The following LDLRAD4 variants were observed in gnomAD, a reference collection of about 807,000 sequenced individuals.
LDLRAD4 encodes low density lipoprotein receptor class A domain containing 4.
Under a neutral mutation model 17.0 loss-of-function variants are expected in LDLRAD4, and 5 were observed. That is an observed-to-expected ratio of 0.29 (90% CI 0.15 to 0.62). The LOEUF (loss-of-function observed/expected upper bound fraction) is 0.62, where lower values mean the gene tolerates loss of function less well. Among genes scored for constraint, LDLRAD4 ranks in the 20% least tolerant of loss-of-function variants. LDLRAD4 has a pLI of 0.84. For missense variants in LDLRAD4, 340 were observed against 424.7 expected (o/e 0.80, Z 1.75); for synonymous variants, 168 against 171.8 (o/e 0.98, Z 0.17).
chr18:13,336,807 T>C (rs931613387), intron 1 of LDLRAD4, among the ~76,000 whole-genome samples: 14 of 152,118 alleles, frequency 9.2e-5, no homozygotes, highest in African/African-American at 3.4e-4. Flanking sequence ...TCCCCCTCTC[T>C]CTCTTTCAAG....
At chr18:13,429,646 G>T (rs549945941) in intron 2 of LDLRAD4, among the ~76,000 whole-genome samples, 1 of 152,240 alleles carries the variant, frequency 6.6e-6, no homozygotes, top group African/African-American at 2.4e-5. Flanking sequence ...AGGACTTTTA[G>T]AACATAAGAC....
chr18:13,238,795 C>T (rs1167387226), intron 1 of LDLRAD4, among the ~76,000 whole-genome samples: 1 of 152,160 alleles, frequency 6.6e-6, no homozygotes, highest in East Asian at 1.9e-4. Flanking sequence ...TTTATAATGT[C>T]ACGTTCCCAG....
intron 3 of LDLRAD4, among the ~76,000 whole-genome samples, chr18:13,573,206 G>A (rs1194064801): frequency 1.3e-5 from 2 of 152,246 alleles, no homozygotes; most frequent in African/African-American, 4.8e-5. Context: ...CCGGGTTGAA[G>A]CGATTCTTTT....
chr18:13,598,676 C>G (rs2095123519), intron 3 of LDLRAD4, among the ~76,000 whole-genome samples: 1 of 152,236 alleles, frequency 6.6e-6, no homozygotes, highest in South Asian at 2.1e-4. Context: ...TTTTTGAAAG[C>G]ACCCTTACAC....
chr18:13,402,391 T>C (rs1293693268), intron 2 of LDLRAD4, among the ~76,000 whole-genome samples: 3 of 152,226 alleles, frequency 2.0e-5, no homozygotes, highest in Non-Finnish European at 4.4e-5. Flanking sequence ...AGCTCAATCT[T>C]GAATTACAGG....
chr18:13,383,859 T>C (rs1056816400), intron 1 of LDLRAD4, among the ~76,000 whole-genome samples: 2 of 152,224 alleles, frequency 1.3e-5, no homozygotes, highest in African/African-American at 4.8e-5. Context: ...CTCTGCTGCG[T>C]ATTCCTAGAA....
At chr18:13,306,597 T>C (rs955238775) in intron 1 of LDLRAD4, among the ~76,000 whole-genome samples, 17 of 152,288 alleles carry the variant, frequency 1.1e-4, no homozygotes, top group Non-Finnish European at 2.2e-4. Flanking sequence ...ATAATAACGC[T>C]GTGAAGGAGA....
At chr18:13,579,350 T>A (rs569813823) in intron 3 of LDLRAD4, among the ~76,000 whole-genome samples, 28 of 152,348 alleles carry the variant, frequency 1.8e-4, no homozygotes, top group African/African-American at 6.7e-4. Flanking sequence ...AAGTTGTCAG[T>A]CTCTGATTTT....
chr18:13,640,705 G>A (rs946984975), intron 4 of LDLRAD4, among the ~76,000 whole-genome samples: 2 of 152,162 alleles, frequency 1.3e-5, no homozygotes, highest in African/African-American at 4.8e-5. Context: ...GTGGTGTGGC[G>A]GGGAGGAGAC....
intron 4 of LDLRAD4, among the ~76,000 whole-genome samples, chr18:13,634,885 T>C (rs2041954378): frequency 1.3e-5 from 2 of 151,876 alleles, no homozygotes; most frequent in African/African-American, 4.8e-5. Flanking sequence ...TAGACAAATA[T>C]ATAGACCAGT....
At chr18:13,345,817 G>C (rs1318172814) in intron 1 of LDLRAD4, among the ~76,000 whole-genome samples, 3 of 152,138 alleles carry the variant, frequency 2.0e-5, no homozygotes, top group Admixed American at 6.5e-5. Context: ...GAGGGTGTAT[G>C]TGTCCAGGAA....
chr18:13,502,941 AG>A (rs2093635636), intron 3 of LDLRAD4, among the ~76,000 whole-genome samples: 3 of 152,220 alleles, frequency 2.0e-5, no homozygotes. Context: ...GAAAGAATTT[AG>A]GGGAGGAAAG....
At chr18:13,421,922 A>G (rs2089499241) in intron 2 of LDLRAD4, among the ~76,000 whole-genome samples, 1 of 152,192 alleles carries the variant, frequency 6.6e-6, no homozygotes, top group South Asian at 2.1e-4. Context: ...TGCCGTGCCT[A>G]TGCTGCAGTC....
At chr18:13,249,595 CT>C (rs202121257) in intron 1 of LDLRAD4, among the ~76,000 whole-genome samples, 481 of 143,448 alleles carry the variant, frequency 3.4e-3, no homozygotes, top group African/African-American at 4.7e-3. Context: ...AAAATTAGAT[CT>C]TTTTTTTTTT....
At chr18:13,512,695 A>G (rs1449722583) in intron 3 of LDLRAD4, among the ~76,000 whole-genome samples, 2 of 152,178 alleles carry the variant, frequency 1.3e-5, no homozygotes, top group Non-Finnish European at 2.9e-5. Flanking sequence ...TTTTCCAGGT[A>G]TTCTGCCTCC....
At chr18:13,530,883 G>T in intron 3 of LDLRAD4, among the ~76,000 whole-genome samples, 1 of 151,392 alleles carries the variant, frequency 6.6e-6, no homozygotes, top group Non-Finnish European at 1.5e-5. Flanking sequence ...GGTGTGGGCT[G>T]GGGGTGGGGT....
exon 6 of LDLRAD4, chr18:13,649,817 T>G (rs893181978): frequency 5.1e-6 from 2 of 389,454 alleles, no homozygotes; most frequent in African/African-American, 4.1e-5. Flanking sequence ...TTAAAGCCAG[T>G]GCTTGGAGCC....
At chr18:13,476,565 A>C (rs1432522088) in intron 3 of LDLRAD4, among the ~76,000 whole-genome samples, 1 of 151,438 alleles carries the variant, frequency 6.6e-6, no homozygotes, top group Non-Finnish European at 1.5e-5. Context: ...TCTAGGCGGC[A>C]GTGAGCTATG....
intron 1 of LDLRAD4, among the ~76,000 whole-genome samples, chr18:13,234,781 A>C (rs1342868278): frequency 6.6e-6 from 1 of 152,092 alleles, no homozygotes; most frequent in Non-Finnish European, 1.5e-5. Flanking sequence ...TTACATTCTT[A>C]TTTTACTGTT....
Sources: gnomAD v4.1 joint callset for allele counts (sites outside exome capture counted in the v4.1 genomes callset) on GRCh38, gnomAD v4.1.1 for gene constraint, MANE v1.5 for transcripts, NCBI Gene and HGNC (gene_info 2026-07-23, HGNC 2026-07-21) for gene names.